The following STT3B variants were observed in gnomAD, a reference collection of about 807,000 sequenced individuals.
STT3B encodes STT3 oligosaccharyltransferase complex catalytic subunit B, also known as dolichyl-diphosphooligosaccharide--protein glycosyltransferase subunit STT3B.
Under a neutral mutation model 96.8 loss-of-function variants are expected in STT3B, and 29 were observed. That is an observed-to-expected ratio of 0.30 (90% CI 0.22 to 0.41). The LOEUF (loss-of-function observed/expected upper bound fraction) is 0.41. Among genes scored for constraint, STT3B ranks in the 10% least tolerant of loss-of-function variants. The pLI is 1.00. For synonymous variants in STT3B, 367 were observed against 360.0 expected (o/e 1.02, Z -0.22); for missense variants, 640 against 1,022.3 (o/e 0.63, Z 5.10).
intron 2 of STT3B, among the ~76,000 whole-genome samples, chr3:31,579,477 T>TAACAAA (rs1698334844): frequency 1.5e-5 from 1 of 67,446 alleles, no homozygotes; most frequent in African/African-American, 5.6e-5. Context: ...CCTGTTTTGA[T>TAACAAA]AAAAAAAAAA....
At chr3:31,553,494 C>T (rs1308221055) in intron 1 of STT3B, among the ~76,000 whole-genome samples, 1 of 151,996 alleles carries the variant, frequency 6.6e-6, no homozygotes, top group Non-Finnish European at 1.5e-5. Flanking sequence ...ATGAAAGAAG[C>T]CTGATTCACC....
At chr3:31,604,271 A>G (rs1698999077) in intron 5 of STT3B, among the ~76,000 whole-genome samples, 1 of 152,176 alleles carries the variant, frequency 6.6e-6, no homozygotes, top group Admixed American at 6.5e-5. Flanking sequence ...TATTATGGGC[A>G]TTATATATTT....
chr3:31,533,248 G>T lies in STT3B; in HGVS notation c.250G>T (p.Gly84Cys). The change falls in exon 1 of 16, where the codon GGC becomes TGC. Residue 84 changes from glycine to cysteine, a missense_variant. Gly to Cys is a radical substitution (Grantham distance 159). Coordinates refer to ENST00000295770, the MANE Select transcript of STT3B (RefSeq NM_178862.3). Reference protein sequence around the residue: ...FTILFLAWLAGFSSRLFAVIR... With the variant: ...FTILFLAWLACFSSRLFAVIR... Reference sequence around the variant, plus strand: ...CATCCTCTTCCTGGCCTGGCTTGCCGGCTTCAGCTCGCGCCTCTTCGCCGT... The same window carrying T: ...CATCCTCTTCCTGGCCTGGCTTGCCTGCTTCAGCTCGCGCCTCTTCGCCGT... 6.6e-7 allele frequency: 1 copy of T among 1,507,708 alleles called. No homozygotes were observed. Among genetic ancestry groups the T allele is most frequent in the Non-Finnish European group, 8.9e-7 (1 of 1,127,110 alleles). 93.4% of individuals were successfully genotyped at this position (1,507,708 alleles called of 1,614,324 possible).
intron 6 of STT3B, 63 bp downstream of exon 6, chr3:31,615,266 C>T: frequency 8.4e-7 from 1 of 1,192,984 alleles, no homozygotes. Flanking sequence ...GGCAGTCTTC[C>T]AAGAGATGAC....
intron 3 of STT3B, among the ~76,000 whole-genome samples, chr3:31,583,613 T>C (rs1289411321): frequency 6.6e-6 from 1 of 152,226 alleles, no homozygotes; most frequent in African/African-American, 2.4e-5. Context: ...TGTCTTTGGA[T>C]TTAAAGTGCA....
intron 1 of STT3B, among the ~76,000 whole-genome samples, chr3:31,534,606 AG>A (rs1398577178): frequency 1.3e-5 from 2 of 152,132 alleles, no homozygotes; most frequent in African/African-American, 2.4e-5. Context: ...GTTCGGGTGG[AG>A]GGGGGCAGTA....
At chr3:31,618,138 T>C in intron 8 of STT3B, 150 bp downstream of exon 8, 1 of 660,580 alleles carries the variant, frequency 1.5e-6, no homozygotes, top group Non-Finnish European at 2.7e-6. Flanking sequence ...TTCCTTTTAC[T>C]TTATCTTGTT....
In STT3B at chr3:31,532,970, G is replaced by A. The variant is rs1004469553; in HGVS notation, c.-29G>A. 6.4e-7 allele frequency: 1 copy of A among 1,569,814 alleles called. No individual in the cohort carries two copies. Among genetic ancestry groups the A allele is most frequent in the African/African-American group, 1.4e-5 (1 of 70,942 alleles). The stretch of plus-strand genomic sequence containing the variant: ...GCACCAGGCGGCGGCGGCGGAGGAG[G>A]AGAGCTAGACCCGCCGCCGGGGCAC... On this transcript the variant is annotated 5_prime_UTR_variant, in exon 1 of 16. Coordinates refer to ENST00000295770, the MANE Select transcript of STT3B (RefSeq NM_178862.3).
At chr3:31,560,381 A>G (rs1449043674) in intron 1 of STT3B, among the ~76,000 whole-genome samples, 3 of 152,000 alleles carry the variant, frequency 2.0e-5, no homozygotes, top group African/African-American at 4.8e-5. Context: ...TTTTCATGGT[A>G]GTAGATATTG....
intron 3 of STT3B, among the ~76,000 whole-genome samples, chr3:31,587,893 A>G (rs1463044346): frequency 2.0e-5 from 3 of 152,196 alleles, no homozygotes; most frequent in South Asian, 2.1e-4. Context: ...TCCTACTCCA[A>G]ATCTTTTTCA....
intron 6 of STT3B, 148 bp from the exon 7 acceptor site, chr3:31,616,781 C>A: frequency 1.5e-6 from 1 of 647,320 alleles, no homozygotes; most frequent in Non-Finnish European, 2.4e-6. Context: ...AGGCAACTGT[C>A]ATTTGACAAA....
chr3:31,595,427 G>A (rs868755147), intron 3 of STT3B, among the ~76,000 whole-genome samples: 10 of 152,118 alleles, frequency 6.6e-5, no homozygotes, highest in Middle Eastern at 6.8e-3. Context: ...TCCCCTTTTC[G>A]TTATTGATCC....
chr3:31,537,393 A>C (rs923270925), intron 1 of STT3B, among the ~76,000 whole-genome samples: 8 of 152,190 alleles, frequency 5.3e-5, no homozygotes, highest in African/African-American at 1.9e-4. Context: ...TTAAAAAGTC[A>C]CTTTGTGGGA....
At chr3:31,582,004 A>G (rs866749077) in intron 3 of STT3B, among the ~76,000 whole-genome samples, 7 of 152,156 alleles carry the variant, frequency 4.6e-5, no homozygotes, top group Non-Finnish European at 8.8e-5. Flanking sequence ...ATACTCTCTT[A>G]AAATTCTTCT....
At chr3:31,543,680 G>A (rs1353354942) in intron 1 of STT3B, among the ~76,000 whole-genome samples, 5 of 152,208 alleles carry the variant, frequency 3.3e-5, no homozygotes, top group South Asian at 2.1e-4. Flanking sequence ...TAGAAGAAGG[G>A]AAGAGTTGAT....
At chr3:31,566,258 G>A (rs1575417023) in intron 1 of STT3B, among the ~76,000 whole-genome samples, 1 of 152,244 alleles carries the variant, frequency 6.6e-6, no homozygotes, top group Middle Eastern at 3.4e-3. Flanking sequence ...GTTGCTGTTT[G>A]GAATCACCTT....
In STT3B at chr3:31,622,288, C is replaced by A; in HGVS notation, c.1519C>A (p.Gln507Lys). ...CAGTGATGAGGATGACAAAAGAAAC[C>A]AAGGAAATTTGTATGATAAGGTGGG... is the stretch of plus-strand genomic sequence containing the variant. ...DSSDEDDKRN[Q>K]GNLYDKAGKV... The change falls in exon 10 of 16, where the codon CAA becomes AAA. Residue 507 changes from glutamine to lysine, a missense_variant. Gln to Lys is a moderately conservative substitution (Grantham distance 53, BLOSUM62 1). Around this residue, in one of 8 missense-constraint regions of STT3B, gnomAD observed 149 missense variants for 250.2 expected, o/e 0.60. Transcript: ENST00000295770. 10 of 1,613,844 alleles carry A rather than the reference C, an allele frequency of 6.2e-6. No individual in the cohort carries two copies. Among genetic ancestry groups the A allele is most frequent in the Non-Finnish European group, 8.5e-6 (10 of 1,179,844 alleles).
intron 3 of STT3B, 129 bp downstream of exon 3, chr3:31,580,225 A>G (rs1284023814): frequency 1.2e-5 from 10 of 820,868 alleles, no homozygotes; most frequent in Non-Finnish European, 1.7e-5. Context: ...TACTGTTCAT[A>G]ATCAATTTAA....
intron 1 of STT3B, among the ~76,000 whole-genome samples, chr3:31,566,384 T>G (rs1362601895): frequency 6.6e-6 from 1 of 152,202 alleles, no homozygotes; most frequent in Non-Finnish European, 1.5e-5. Flanking sequence ...TGTGCCTTAG[T>G]CTAATCATAT....
Sources: gnomAD v4.1 joint callset for allele counts (sites outside exome capture counted in the v4.1 genomes callset) on GRCh38, gnomAD v4.1.1 for gene constraint, gnomAD v4.1.1 regional missense constraint, MANE v1.5 for transcripts, NCBI Gene and HGNC (gene_info 2026-07-23, HGNC 2026-07-21) for gene names.